Variants in SEMA3D observed in about 807,000 individuals in gnomAD.
The protein encoded by SEMA3D is semaphorin-3D.
Under a neutral mutation model 100.1 loss-of-function variants are expected in SEMA3D, and 84 were observed. That is an observed-to-expected ratio of 0.84 (90% CI 0.70 to 1.01). The LOEUF (loss-of-function observed/expected upper bound fraction) is 1.01, where lower values mean the gene tolerates loss of function less well. Among genes scored for constraint, SEMA3D ranks in the 50% least tolerant of loss-of-function variants. The pLI is 0.00. For missense variants in SEMA3D, 875 were observed against 934.1 expected, an observed-to-expected ratio of 0.94 and a Z score of 0.82; for synonymous variants, 312 against 320.7, an observed-to-expected ratio of 0.97 and a Z score of 0.29.
chr7:85,086,673 T>G (rs1031459204), intron 4 of SEMA3D, among the ~76,000 whole-genome samples: 4 of 150,844 alleles, frequency 2.7e-5, no homozygotes, highest in African/African-American at 9.8e-5. Flanking sequence ...TATAGATGCA[T>G]GTGGAGGGGG....
At chr7:85,222,310 A>G in the SEMA3D span, among the ~76,000 whole-genome samples, 1 of 152,128 alleles carries the variant, frequency 6.6e-6, no homozygotes, top group Non-Finnish European at 1.5e-5. Flanking sequence ...CATGAAAAAA[A>G]AATCCAAGCT....
rs796251868 is a variant in SEMA3D, at chr7:85,023,368, CT to C, written c.1192-756del. Among the ~76,000 whole-genome samples, 432 of 151,110 alleles carry C rather than the reference CT, an allele frequency of 2.9e-3. 4 individuals carry two copies. Among genetic ancestry groups the C allele is most frequent in the African/African-American group, 9.5e-3 (394 of 41,258 alleles). ...GGGGAAAAAACACCTTATAATTAGA[CT>C]TTTTTTTTCCAGAAAATATCACCTC... On this transcript the variant is annotated intron_variant, in intron 12 of 18. Coordinates refer to ENST00000284136, the MANE Select transcript of SEMA3D (RefSeq NM_001384900.1).
chr7:85,247,209 G>T, the SEMA3D span, among the ~76,000 whole-genome samples: 1 of 152,012 alleles, frequency 6.6e-6, no homozygotes, highest in African/African-American at 2.4e-5. Flanking sequence ...CAGAAGAGAT[G>T]CACACAAGGT....
chr7:85,059,204 T>C (rs1791408056), intron 8 of SEMA3D, among the ~76,000 whole-genome samples: 1 of 152,142 alleles, frequency 6.6e-6, no homozygotes, highest in South Asian at 2.1e-4. Flanking sequence ...TTTAAACATA[T>C]ACAAATACAA....
At chr7:85,087,546 C>T (rs575848794) in intron 4 of SEMA3D, among the ~76,000 whole-genome samples, 4 of 152,070 alleles carry the variant, frequency 2.6e-5, no homozygotes, top group African/African-American at 4.8e-5. Context: ...AATTATTAAA[C>T]AATACTTGCA....
In SEMA3D at chr7:85,001,082, G is replaced by C. The variant is rs567147761; in HGVS notation, c.1909-1217C>G. On this transcript the variant is annotated intron_variant, in intron 18 of 18. Coordinates refer to ENST00000284136, the MANE Select transcript of SEMA3D (RefSeq NM_001384900.1). ...AATCTCCCCAATTCTGGAAATATGA[G>C]AAAAGGAAAAGAAACATCTCTGGCT... Among the ~76,000 whole-genome samples the C allele has an allele frequency of 3.9e-5, 6 of 152,274 alleles. No individual in the cohort carries two copies. The South Asian group carries it at 1.2e-3, about 32-fold the overall frequency.
chr7:85,060,322 A>C (rs552697945), intron 8 of SEMA3D, among the ~76,000 whole-genome samples: 5 of 152,190 alleles, frequency 3.3e-5, no homozygotes, highest in Non-Finnish European at 7.4e-5. Flanking sequence ...AGTTGCAAGC[A>C]CAGAGTTTAT....
At chr7:85,219,555 A>T in the SEMA3D span, among the ~76,000 whole-genome samples, 1 of 152,038 alleles carries the variant, frequency 6.6e-6, no homozygotes, top group Non-Finnish European at 1.5e-5. Context: ...TATATAGTAA[A>T]ATTAATTAGA....
upstream of SEMA3D, among the ~76,000 whole-genome samples, chr7:85,189,334 A>G (rs890808785): frequency 6.6e-6 from 1 of 152,208 alleles, no homozygotes; most frequent in African/African-American, 2.4e-5. Context: ...TGAATTTCTA[A>G]TAACTGTATA....
At chr7:85,056,468 A>G (rs1440836872) in intron 8 of SEMA3D, among the ~76,000 whole-genome samples, 1 of 151,922 alleles carries the variant, frequency 6.6e-6, no homozygotes, top group Non-Finnish European at 1.5e-5. Flanking sequence ...TACCAACGTC[A>G]TCTACCTAAT....
chr7:85,067,629 G>A (rs1187360872), intron 7 of SEMA3D, among the ~76,000 whole-genome samples: 1 of 152,090 alleles, frequency 6.6e-6, no homozygotes, highest in Non-Finnish European at 1.5e-5. Flanking sequence ...AGACCACACA[G>A]TATTGCTTCT....
At chr7:85,084,055 G>A (rs767334242) in intron 4 of SEMA3D, among the ~76,000 whole-genome samples, 1 of 151,050 alleles carries the variant, frequency 6.6e-6, no homozygotes, top group Non-Finnish European at 1.5e-5. Context: ...GCTGAGGCAG[G>A]AGAATGGCGT....
At chr7:85,241,457 C>CTGTGTG in the SEMA3D span, among the ~76,000 whole-genome samples, 7 of 102,668 alleles carry the variant, frequency 6.8e-5, no homozygotes, top group African/African-American at 9.3e-5. Context: ...AATAAAGAAA[C>CTGTGTG]TGTGTGTGTG....
chr7:85,010,966 A>C (rs1416329400), intron 17 of SEMA3D, among the ~76,000 whole-genome samples: 1 of 151,842 alleles, frequency 6.6e-6, no homozygotes, highest in Non-Finnish European at 1.5e-5. Context: ...CTCAGAAGGC[A>C]GTCTGAAAGG....
intron 3 of SEMA3D, among the ~76,000 whole-genome samples, chr7:85,111,975 G>A (rs1045120335): frequency 3.3e-5 from 5 of 152,140 alleles, no homozygotes; most frequent in East Asian, 1.9e-4. Context: ...CTCAGTAAGC[G>A]CTTTCCTGAC....
the SEMA3D span, among the ~76,000 whole-genome samples, chr7:85,220,576 G>A: frequency 6.6e-6 from 1 of 151,946 alleles, no homozygotes; most frequent in African/African-American, 2.4e-5. Context: ...GTAATTTTGG[G>A]CAGCTAATTA....
intron 9 of SEMA3D, among the ~76,000 whole-genome samples, chr7:85,046,682 C>T (rs1307980221): frequency 6.6e-6 from 1 of 151,934 alleles, no homozygotes; most frequent in African/African-American, 2.4e-5. Flanking sequence ...AGTTGTATTT[C>T]TCCTGTAGGG....
At chr7:85,100,743 C>A (rs1562818417) in intron 3 of SEMA3D, among the ~76,000 whole-genome samples, 1 of 151,632 alleles carries the variant, frequency 6.6e-6, no homozygotes, top group Non-Finnish European at 1.5e-5. Context: ...TTTAGCATTT[C>A]CTTCCTTCTT....
At chr7:85,088,483 A>C (rs573428847) in intron 4 of SEMA3D, among the ~76,000 whole-genome samples, 1 of 152,300 alleles carries the variant, frequency 6.6e-6, no homozygotes, top group African/African-American at 2.4e-5. Flanking sequence ...GATAGTGGCC[A>C]TCTCTTTCAA....
Sources: allele counts gnomAD v4.1 joint callset (sites outside exome capture counted in the v4.1 genomes callset), GRCh38; gene constraint gnomAD v4.1.1; transcripts MANE v1.5; gene names NCBI Gene and HGNC (gene_info 2026-07-23, HGNC 2026-07-21).